The following CARS1 variants were observed in gnomAD, a reference collection of about 807,000 sequenced individuals.
CARS1 encodes cysteinyl-tRNA synthetase 1.
In CARS1, 48 loss-of-function variants were observed where a neutral mutation model predicts 106.2. The observed-to-expected ratio is 0.45, with a 90% confidence interval of 0.36 to 0.57. The LOEUF (loss-of-function observed/expected upper bound fraction) is 0.57. CARS1 is among the 20% of genes least tolerant of loss of function. The probability of loss-of-function intolerance (pLI) is 0.00; values close to 1 mark genes in which losing one functional copy is unlikely to be tolerated. For missense variants in CARS1, 968 were observed against 1,057.2 expected, an observed-to-expected ratio of 0.92 and a Z score of 1.17; for synonymous variants, 409 against 403.4, an observed-to-expected ratio of 1.01 and a Z score of -0.17.
chr11:3,013,181 T>C (rs1409364950), intron 17 of CARS1, among the ~76,000 whole-genome samples: 1 of 150,364 alleles, frequency 6.7e-6, no homozygotes, highest in Non-Finnish European at 1.5e-5. Context: ...TGAGATGGAG[T>C]TTTGCTCTCA....
rs1855516072 is a variant in CARS1 at position 3,050,163 on chromosome 11, G to C, written c.26-2162C>G. On this transcript the variant is annotated intron_variant, in intron 1 of 22. Coordinates refer to ENST00000380525, the MANE Select transcript of CARS1 (RefSeq NM_001014437.3). The surrounding 1 kb of genome is among the most constrained non-coding windows in gnomAD (Gnocchi z 6.3). Reference sequence around the variant, plus strand: ...TGCAGTAAAGGGGTGGGCACTCTGTGGGAGAGCCTTCCTGAAGTCTCAACA... The same window carrying C: ...TGCAGTAAAGGGGTGGGCACTCTGTCGGAGAGCCTTCCTGAAGTCTCAACA... Among the ~76,000 whole-genome samples, 1 of 152,180 alleles carries C rather than the reference G, an allele frequency of 6.6e-6. No individual in the cohort carries two copies. Among genetic ancestry groups the C allele is most frequent in the Non-Finnish European group, 1.5e-5 (1 of 68,042 alleles).
In CARS1 at chr11:3,017,981, G is replaced by A. The variant is rs747955361; in HGVS notation, c.1630-27C>T. The A allele has an allele frequency of 6.8e-7, 1 of 1,463,018 alleles. No individual in the cohort carries two copies. Among genetic ancestry groups the A allele is most frequent in the Non-Finnish European group, 9.6e-7 (1 of 1,046,484 alleles). The allele number at this position is 1,463,018 out of a possible 1,614,324, so 90.6% of individuals were successfully genotyped here. A position where few individuals can be genotyped will look rare whatever the true frequency, so the allele number is the denominator to read the frequency against. Reference sequence around the variant, plus strand: ...TGAAGTTAGAAAAATCAGTTTAACAGCATTTAGGCAACTTTTCCATCCTGA... The same window carrying A: ...TGAAGTTAGAAAAATCAGTTTAACAACATTTAGGCAACTTTTCCATCCTGA... On this transcript the variant is annotated intron_variant, in intron 14 of 22. Coordinates refer to ENST00000380525, the MANE Select transcript of CARS1 (RefSeq NM_001014437.3). The surrounding 1 kb of genome is among the most constrained non-coding windows in gnomAD (Gnocchi z 4.9).
intron 18 of CARS1, chr11:3,007,246 C>G: frequency 4.3e-6 from 2 of 470,174 alleles, no homozygotes; most frequent in Non-Finnish European, 3.8e-6. Flanking sequence ...GCATAGCACA[C>G]TGGCCGCCGG....
chr11:3,033,651 A>T (rs1164037879), intron 7 of CARS1, among the ~76,000 whole-genome samples: 1 of 152,218 alleles, frequency 6.6e-6, no homozygotes, highest in African/African-American at 2.4e-5. Context: ...AAATGAGACA[A>T]AGAAAAACAG....
In CARS1 at chr11:3,043,207, C is replaced by T. The variant is rs1046484063; in HGVS notation, c.275-951G>A. Among the ~76,000 whole-genome samples, 3 of 152,010 alleles carry T rather than the reference C, an allele frequency of 2.0e-5. No individual in the cohort carries two copies. The highest frequency in any genetic ancestry group is 7.2e-5 in the African/African-American group (3 of 41,380). The stretch of plus-strand genomic sequence containing the variant: ...TCCAGGCCTGGCTTCCAACCTGGCA[C>T]AAGGCTGTCCTTACACAACCTGCAT... On this transcript the variant is annotated intron_variant, in intron 2 of 22. Transcript: ENST00000380525. This position sits in a 1 kb window ranked among gnomAD's most constrained non-coding sequence, Gnocchi z 4.0.
chr11:3,039,135 A>T lies in CARS1; in HGVS notation c.651+59T>A. On this transcript the variant is annotated intron_variant, in intron 6 of 22. Coordinates refer to ENST00000380525, the MANE Select transcript of CARS1 (RefSeq NM_001014437.3). The surrounding 1 kb of genome is among the most constrained non-coding windows in gnomAD (Gnocchi z 5.6). ...ACTACCCTAGGGACAGTAGCCTACA[A>T]AGGACCGAGAACAGAAAGCAAAGGG... is the stretch of plus-strand genomic sequence containing the variant. The T allele has an allele frequency of 9.3e-7, 1 of 1,074,550 alleles. No homozygotes were observed. Among genetic ancestry groups the T allele is most frequent in the South Asian group, 1.3e-5 (1 of 78,054 alleles). 66.6% of individuals were successfully genotyped at this position (1,074,550 alleles called of 1,614,324 possible).
intron 2 of CARS1, 45 bp from the exon 3 acceptor site, chr11:3,042,301 G>A (rs764217598): frequency 1.4e-6 from 2 of 1,456,678 alleles, no homozygotes; most frequent in South Asian, 2.3e-5. Context: ...GGCAGCACCA[G>A]GAAGTGCAAG....
At chr11:3,014,278 C>T (rs1022364997) in intron 17 of CARS1, among the ~76,000 whole-genome samples, 1 of 152,222 alleles carries the variant, frequency 6.6e-6, no homozygotes, top group African/African-American at 2.4e-5. Context: ...TGTGTGGCGA[C>T]ACTGAGGTGG....
intron 7 of CARS1, among the ~76,000 whole-genome samples, chr11:3,033,346 A>C (rs971189951): frequency 2.0e-5 from 3 of 152,230 alleles, no homozygotes; most frequent in Non-Finnish European, 4.4e-5. Context: ...CTGTTCACAG[A>C]TCCAGATTGG....
In CARS1 at chr11:3,019,107, G is replaced by A; in HGVS notation, c.1395+32C>T. 6.7e-7 allele frequency: 1 copy of A among 1,496,704 alleles called. No homozygotes were observed. Among genetic ancestry groups the A allele is most frequent in the African/African-American group, 1.4e-5 (1 of 70,866 alleles). 92.7% of individuals were successfully genotyped at this position (1,496,704 alleles called of 1,614,324 possible). ...ACTGCAGTATGAACACTGTGCTCTT[G>A]CACCTGACAAGGGGACTCTGTTTTC... On this transcript the variant is annotated intron_variant, in intron 12 of 22. Transcript: ENST00000380525. The surrounding 1 kb of genome is among the most constrained non-coding windows in gnomAD (Gnocchi z 6.2).
Position 3,047,801 on chromosome 11 carries a change from G to C in CARS1, c.226C>G (p.Leu76Val). ...CCTTTGCCACAGGGGCTACCCAGGA[G>C]CGCTTCTATGTGCCTGAACCACCGA... ...VARWFRHIEALLGSPCGKGQP... is the reference protein window; with the variant it reads ...VARWFRHIEAVLGSPCGKGQP... The change falls in exon 2 of 23, where the codon CTC becomes GTC. Residue 76 changes from leucine to valine, a missense_variant. Transcript: ENST00000380525. 2 of 1,614,130 alleles carry C rather than the reference G, an allele frequency of 1.2e-6. No individual in the cohort carries two copies. The highest frequency in any genetic ancestry group is 1.7e-4 in the Middle Eastern group (1 of 6,060).
At position 3,038,832 on chromosome 11, in the gene CARS1, G is replaced by T. The variant is rs779531253; in HGVS notation, c.651+362C>A. 6.6e-6 allele frequency among the ~76,000 whole-genome samples: 1 copy of T among 152,218 alleles called. No individual in the cohort carries two copies. Among genetic ancestry groups the T allele is most frequent in the Non-Finnish European group, 1.5e-5 (1 of 68,038 alleles). On this transcript the variant is annotated intron_variant, in intron 6 of 22. Coordinates refer to ENST00000380525, the MANE Select transcript of CARS1 (RefSeq NM_001014437.3). The surrounding 1 kb of genome is among the most constrained non-coding windows in gnomAD (Gnocchi z 4.0). ...AATTAAAAAGCTTAGTATAGCTTTT[G>T]TATCTTGGGCAGAAGTTTCTGATTT...
intron 1 of CARS1, among the ~76,000 whole-genome samples, chr11:3,049,719 T>C (rs1392928899): frequency 2.0e-5 from 3 of 152,228 alleles, no homozygotes; most frequent in African/African-American, 7.2e-5. Context: ...CTGCCCGACA[T>C]CACAGCCATG....
At chr11:3,051,694 G>A (rs1399130343) in intron 1 of CARS1, among the ~76,000 whole-genome samples, 2 of 152,182 alleles carry the variant, frequency 1.3e-5, no homozygotes, top group African/African-American at 2.4e-5. Flanking sequence ...ACTTGCCAGA[G>A]GGATGGACAG....
chr11:3,007,175 G>A, intron 18 of CARS1: 1 of 589,086 alleles, frequency 1.7e-6, no homozygotes. Flanking sequence ...GAAGCCCAGA[G>A]ACTAGTGTCT....
rs889609882 is a variant in CARS1 at position 3,045,900 on chromosome 11, C to T, written c.274+1853G>A. Among the ~76,000 whole-genome samples, 104 of 152,294 alleles carry T rather than the reference C, an allele frequency of 6.8e-4. No individual in the cohort carries two copies. The highest frequency in any genetic ancestry group is 6.5e-3 in the Admixed American group (100 of 15,312). ...GAGGACACTACACTGGACTCCATGG[C>T]GCCTTGGACCCACTCGAGGTCACTG... On this transcript the variant is annotated intron_variant, in intron 2 of 22. Coordinates refer to ENST00000380525, the MANE Select transcript of CARS1 (RefSeq NM_001014437.3). This position sits in a 1 kb window ranked among gnomAD's most constrained non-coding sequence, Gnocchi z 5.6.
rs1431012701 is a variant in CARS1, at chr11:3,002,584, C to T, written c.2234G>A (p.Arg745Lys). Residue 745 changes from arginine (R) to lysine (K), a missense_variant, in exon 21 of 23, where the codon AGG becomes AAG. Arg to Lys is a conservative substitution (Grantham distance 26, BLOSUM62 2). Transcript: ENST00000380525. ...CCGGGCCGCCTCCTCTTTCTTCTTC[C>T]TCTTCTCCTCTTCAACCTGGAGGGT... ...EEKRRVEEEK[R>K]KKKEEAARRK... 1 of 1,614,176 alleles carries T rather than the reference C, an allele frequency of 6.2e-7. No homozygotes were observed. The highest frequency in any genetic ancestry group is 1.7e-5 in the Admixed American group (1 of 60,028).
At chr11:3,018,276 A>C in intron 14 of CARS1, 132 bp downstream of exon 14, 1 of 654,982 alleles carries the variant, frequency 1.5e-6, no homozygotes. Flanking sequence ...ACTAGCATGG[A>C]GGTGCTTCCA....
intron 10 of CARS1, among the ~76,000 whole-genome samples, chr11:3,024,470 CAG>C (rs1565057366): frequency 1.3e-5 from 2 of 151,976 alleles, no homozygotes; most frequent in African/African-American, 4.8e-5. Flanking sequence ...GTCTTTGAGA[CAG>C]AGTCTTGCTC....
Sources: allele counts gnomAD v4.1 joint callset (sites outside exome capture counted in the v4.1 genomes callset), GRCh38; gene constraint gnomAD v4.1.1; non-coding constraint Gnocchi (gnomAD v3.1); transcripts MANE v1.5; gene names NCBI Gene and HGNC (gene_info 2026-07-23, HGNC 2026-07-21).